The following DGKB variants were observed in gnomAD, a reference collection of about 807,000 sequenced individuals.
DGKB encodes the protein diacylglycerol kinase beta.
Under a neutral mutation model 114.3 loss-of-function variants are expected in DGKB, and 67 were observed. The ratio of observed to expected loss-of-function variants is 0.59; its 90% CI spans 0.48 to 0.72. The LOEUF (loss-of-function observed/expected upper bound fraction) is 0.72. Ranked by LOEUF, DGKB falls within the 30% of genes least tolerant of loss-of-function variation. DGKB has a pLI of 0.00. For synonymous variants in DGKB, 398 were observed against 323.1 expected, an observed-to-expected ratio of 1.23 and a Z score of -2.49; for missense variants, 907 against 975.2, an observed-to-expected ratio of 0.93 and a Z score of 0.93.
At chr7:14,952,268 C>T (rs1373873767) in intron 1 of DGKB, among the ~76,000 whole-genome samples, 1 of 151,974 alleles carries the variant, frequency 6.6e-6, no homozygotes, top group East Asian at 1.9e-4. Flanking sequence ...AGACTTCTAG[C>T]CTCCAAAATT....
At chr7:14,416,874 G>A (rs1186466993) in intron 21 of DGKB, among the ~76,000 whole-genome samples, 1 of 151,958 alleles carries the variant, frequency 6.6e-6, no homozygotes, top group Non-Finnish European at 1.5e-5. Flanking sequence ...CCCTTTGTCT[G>A]GCAATCCATT....
intron 14 of DGKB, among the ~76,000 whole-genome samples, chr7:14,626,529 G>A (rs1214281486): frequency 1.3e-5 from 2 of 152,174 alleles, no homozygotes; most frequent in African/African-American, 4.8e-5. Context: ...AGATCTCTCT[G>A]ATGCAGAAAT....
chr7:14,525,205 T>C (rs1010034006), intron 20 of DGKB, among the ~76,000 whole-genome samples: 2 of 152,224 alleles, frequency 1.3e-5, no homozygotes, highest in Non-Finnish European at 2.9e-5. Context: ...CAACCATTTC[T>C]ACGATAAGTA....
At chr7:14,487,770 C>CTT (rs34694067) in intron 20 of DGKB, among the ~76,000 whole-genome samples, 2 of 141,612 alleles carry the variant, frequency 1.4e-5, no homozygotes, top group Admixed American at 1.4e-4. Flanking sequence ...GCCTGACTAA[C>CTT]TTTTTTTTTT....
At chr7:14,446,065 A>C (rs1830687724) in intron 21 of DGKB, among the ~76,000 whole-genome samples, 1 of 152,118 alleles carries the variant, frequency 6.6e-6, no homozygotes, top group African/African-American at 2.4e-5. Context: ...CCCCTTTCAC[A>C]CATATCCCAA....
intron 23 of DGKB, among the ~76,000 whole-genome samples, chr7:14,220,468 C>CTATA (rs146985407): frequency 1.0e-3 from 154 of 149,618 alleles, no homozygotes; most frequent in African/African-American, 3.7e-3. Flanking sequence ...CAATTCTATG[C>CTATA]TATATATATA....
At chr7:14,301,990 A>G (rs1381327035) in intron 23 of DGKB, among the ~76,000 whole-genome samples, 2 of 152,104 alleles carry the variant, frequency 1.3e-5, no homozygotes, top group African/African-American at 4.8e-5. Flanking sequence ...CACTCTCACA[A>G]GGACCACAGC....
intron 25 of DGKB, among the ~76,000 whole-genome samples, chr7:14,174,326 A>T (rs1781418157): frequency 6.6e-6 from 1 of 152,210 alleles, no homozygotes; most frequent in Non-Finnish European, 1.5e-5. Context: ...TCCTTCATAA[A>T]ATAAGGCTAA....
intron 23 of DGKB, among the ~76,000 whole-genome samples, chr7:14,303,690 C>A (rs1585027354): frequency 6.6e-6 from 1 of 152,098 alleles, no homozygotes; most frequent in East Asian, 1.9e-4. Context: ...GTAAATCAGC[C>A]AGAACAGGGA....
intron 20 of DGKB, among the ~76,000 whole-genome samples, chr7:14,519,565 A>C (rs10274552): frequency 0.56 from 84,618 of 151,778 alleles, 24,247 homozygotes; most frequent in East Asian, 0.84. Flanking sequence ...CAACTATTTC[A>C]ATGAGCATAA....
intron 17 of DGKB, among the ~76,000 whole-genome samples, chr7:14,601,663 T>TG (rs1803571933): frequency 6.6e-6 from 1 of 152,176 alleles, no homozygotes; most frequent in Non-Finnish European, 1.5e-5. Flanking sequence ...AGAGATTTCT[T>TG]TTACCAAGTA....
chr7:14,331,170 G>A (rs114941606), intron 23 of DGKB, among the ~76,000 whole-genome samples: 1,901 of 151,930 alleles, frequency 0.013, 42 homozygotes, highest in African/African-American at 0.044. Context: ...CTACTTAAAG[G>A]TTACTAGATA....
At chr7:14,358,556 C>T (rs1815053862) in intron 21 of DGKB, among the ~76,000 whole-genome samples, 1 of 152,128 alleles carries the variant, frequency 6.6e-6, no homozygotes, top group Non-Finnish European at 1.5e-5. Context: ...TAGAAAACCC[C>T]ATCGTCTCAG....
intron 2 of DGKB, among the ~76,000 whole-genome samples, chr7:14,771,655 CAGTCTGATT>C (rs1413895639): frequency 3.3e-5 from 5 of 152,134 alleles, no homozygotes; most frequent in African/African-American, 1.2e-4. Context: ...ACTTACTTTC[CAGTCTGATT>C]CTGGCATAAC....
At chr7:14,654,215 A>C (rs764816503) in intron 13 of DGKB, among the ~76,000 whole-genome samples, 2 of 152,110 alleles carry the variant, frequency 1.3e-5, no homozygotes, top group Non-Finnish European at 2.9e-5. Context: ...ACATACAAAA[A>C]AATCAGTAGC....
At chr7:14,153,901 T>C (rs1003224285) in intron 25 of DGKB, among the ~76,000 whole-genome samples, 1 of 152,052 alleles carries the variant, frequency 6.6e-6, no homozygotes, top group Non-Finnish European at 1.5e-5. Context: ...ACTTAGTCAA[T>C]GTATTGATTA....
chr7:14,630,676 C>T (rs1005117172), intron 13 of DGKB, among the ~76,000 whole-genome samples: 1 of 151,928 alleles, frequency 6.6e-6, no homozygotes, highest in Non-Finnish European at 1.5e-5. Flanking sequence ...GTCTTTTGAA[C>T]ACAGACATAG....
chr7:14,752,115 C>T (rs1267641274), intron 4 of DGKB, among the ~76,000 whole-genome samples: 1 of 152,126 alleles, frequency 6.6e-6, no homozygotes, highest in Non-Finnish European at 1.5e-5. Flanking sequence ...TTCAGTCAGA[C>T]TCCTCAGACC....
intron 25 of DGKB, 43 bp from the exon 26 acceptor site, chr7:14,149,281 T>A (rs904270950): frequency 7.0e-7 from 1 of 1,436,798 alleles, no homozygotes; most frequent in Non-Finnish European, 9.7e-7. Flanking sequence ...AATAGAGTAA[T>A]CTCCAGATAG....
Sources: allele counts gnomAD v4.1 joint callset (sites outside exome capture counted in the v4.1 genomes callset), GRCh38; gene constraint gnomAD v4.1.1; transcripts MANE v1.5; gene names NCBI Gene and HGNC (gene_info 2026-07-23, HGNC 2026-07-21).